The following LPP variants were observed in gnomAD, a reference collection of about 807,000 sequenced individuals.
The protein encoded by LPP is lipoma-preferred partner.
Under a neutral mutation model 60.4 loss-of-function variants are expected in LPP, and 38 were observed. The observed-to-expected ratio is 0.63, with a 90% confidence interval of 0.49 to 0.83. The LOEUF is 0.83. Ranked by LOEUF, LPP falls within the 40% of genes least tolerant of loss-of-function variation. The pLI, the probability that LPP is intolerant of heterozygous loss-of-function variation, is 0.00. For missense variants in LPP, 902 were observed against 783.6 expected (o/e 1.15, Z -1.80); for synonymous variants, 328 against 290.8 (o/e 1.13, Z -1.30).
intron 4 of LPP, among the ~76,000 whole-genome samples, chr3:188,438,052 T>A (rs1792788191): frequency 6.6e-6 from 1 of 152,136 alleles, no homozygotes; most frequent in South Asian, 2.1e-4. Context: ...ACTCACTGAA[T>A]TTAAATAGGC....
At chr3:188,485,764 T>A (rs1806245083) in intron 5 of LPP, among the ~76,000 whole-genome samples, 1 of 108,662 alleles carries the variant, frequency 9.2e-6, no homozygotes, top group East Asian at 3.0e-4. Context: ...ACCACTGCAC[T>A]CCAGCCTGGG....
chr3:188,567,332 G>T (rs1832413891), intron 6 of LPP, among the ~76,000 whole-genome samples: 1 of 151,844 alleles, frequency 6.6e-6, no homozygotes, highest in Admixed American at 6.6e-5. Flanking sequence ...GGATTGTTAG[G>T]ACTATTAAAT....
intron 1 of LPP, among the ~76,000 whole-genome samples, chr3:188,209,355 G>T (rs1350466370): frequency 6.6e-6 from 1 of 152,176 alleles, no homozygotes; most frequent in Non-Finnish European, 1.5e-5. Flanking sequence ...AGGCATCATT[G>T]TACTTACTAC....
At chr3:188,727,922 T>A (rs1046317199) in intron 8 of LPP, among the ~76,000 whole-genome samples, 2 of 152,190 alleles carry the variant, frequency 1.3e-5, no homozygotes, top group African/African-American at 4.8e-5. Context: ...AACTAGCTAC[T>A]ATATTCTGCA....
intron 2 of LPP, among the ~76,000 whole-genome samples, chr3:188,226,341 G>C (rs1414012816): frequency 6.6e-6 from 1 of 152,150 alleles, no homozygotes; most frequent in Admixed American, 6.5e-5. Context: ...CTTTGGGGCA[G>C]AGCAGGCTAA....
intron 4 of LPP, among the ~76,000 whole-genome samples, chr3:188,468,559 G>C (rs182920647): frequency 6.6e-6 from 1 of 152,074 alleles, no homozygotes. Flanking sequence ...ACATTGTGCC[G>C]TGTCAGTTAA....
chr3:188,820,636 T>C (rs1753717023), intron 9 of LPP, among the ~76,000 whole-genome samples: 2 of 152,196 alleles, frequency 1.3e-5, no homozygotes, highest in South Asian at 4.1e-4. Context: ...CTGTCCTATC[T>C]ACATACCACA....
intron 5 of LPP, among the ~76,000 whole-genome samples, chr3:188,493,315 T>A (rs762752204): frequency 5.3e-5 from 8 of 152,312 alleles, no homozygotes; most frequent in Admixed American, 2.0e-4. Flanking sequence ...TGATTCCTTT[T>A]CCAGTTTAGT....
chr3:188,752,078 T>C (rs1728262399), intron 8 of LPP, among the ~76,000 whole-genome samples: 1 of 152,338 alleles, frequency 6.6e-6, no homozygotes, highest in Admixed American at 6.5e-5. Flanking sequence ...AGTTGAACTA[T>C]ATACTTCCTA....
At chr3:188,670,012 C>T (rs1287074868) in intron 7 of LPP, among the ~76,000 whole-genome samples, 1 of 152,140 alleles carries the variant, frequency 6.6e-6, no homozygotes, top group Non-Finnish European at 1.5e-5. Context: ...GACAGAAAAC[C>T]AAACACCACA....
chr3:188,809,807 G>C (rs1750341121), intron 9 of LPP, among the ~76,000 whole-genome samples: 1 of 152,070 alleles, frequency 6.6e-6, no homozygotes, highest in Non-Finnish European at 1.5e-5. Flanking sequence ...GGCTTTTATG[G>C]TTTTGGGTTT....
Position 188,881,139 on chromosome 3 carries a change from C to CAAAAAAAAAAAAAAA in LPP, c.*6665_*6679dup, listed in dbSNP as rs11328247. 1.9e-3 allele frequency: 139 copies of CAAAAAAAAAAAAAAA among 72,578 alleles called. 5 individuals carry two copies. The highest frequency in any genetic ancestry group is 8.3e-3 in the East Asian group (28 of 3,368). The allele number at this position is 72,578 out of a possible 1,614,324, so 4.5% of individuals were successfully genotyped here. A position where few individuals can be genotyped will look rare whatever the true frequency, so the allele number is the denominator to read the frequency against. ...TGGGCGAAAGAGCGAGACTCCGTCT[C>CAAAAAAAAAAAAAAA]AAAAAAAAAAAAAAAAAAATAGGAT... On this transcript the variant is annotated 3_prime_UTR_variant, in exon 12 of 12. Coordinates refer to ENST00000617246, the MANE Select transcript of LPP (RefSeq NM_001375462.1).
At chr3:188,578,790 T>C (rs1835376465) in intron 6 of LPP, among the ~76,000 whole-genome samples, 1 of 152,182 alleles carries the variant, frequency 6.6e-6, no homozygotes, top group Non-Finnish European at 1.5e-5. Flanking sequence ...CATGTGCTGC[T>C]ATTACACACA....
chr3:188,431,341 A>G (rs1452046761), intron 4 of LPP, among the ~76,000 whole-genome samples: 1 of 152,136 alleles, frequency 6.6e-6, no homozygotes, highest in African/African-American at 2.4e-5. Flanking sequence ...GAAGGATGAA[A>G]GACGTGTAGT....
chr3:188,674,442 A>C (rs906134113), intron 7 of LPP, among the ~76,000 whole-genome samples: 1 of 152,200 alleles, frequency 6.6e-6, no homozygotes, highest in Non-Finnish European at 1.5e-5. Flanking sequence ...CCTTGGGTAT[A>C]GAGTCACGCC....
At chr3:188,813,570 C>T (rs1446638145) in intron 9 of LPP, among the ~76,000 whole-genome samples, 1 of 152,144 alleles carries the variant, frequency 6.6e-6, no homozygotes, top group Non-Finnish European at 1.5e-5. Flanking sequence ...TGAATGCCTA[C>T]TATGTCTAGC....
chr3:188,751,108 A>T (rs1232440276), intron 8 of LPP, among the ~76,000 whole-genome samples: 1 of 152,228 alleles, frequency 6.6e-6, no homozygotes, highest in Non-Finnish European at 1.5e-5. Context: ...GACTTCACAG[A>T]GGGAAGATTA....
intron 9 of LPP, among the ~76,000 whole-genome samples, chr3:188,804,032 A>G (rs1423536449): frequency 6.6e-6 from 1 of 151,330 alleles, no homozygotes; most frequent in African/African-American, 2.4e-5. Context: ...TAAGGTTTAT[A>G]ATGAAGTATT....
chr3:188,169,115 G>A (rs1225000488), intron 1 of LPP, among the ~76,000 whole-genome samples: 2 of 152,220 alleles, frequency 1.3e-5, no homozygotes, highest in Non-Finnish European at 1.5e-5. Context: ...CTTTGGGCTC[G>A]TAGTATAACT....
Sources: allele counts gnomAD v4.1 joint callset (sites outside exome capture counted in the v4.1 genomes callset), GRCh38; gene constraint gnomAD v4.1.1; transcripts MANE v1.5; gene names NCBI Gene and HGNC (gene_info 2026-07-23, HGNC 2026-07-21).